MGST1: variants seen among roughly 807,000 people sequenced by gnomAD.
MGST1 encodes the protein microsomal glutathione S-transferase 1, also known as glutathione S-transferase 12.
MGST1 carries 5 observed loss-of-function variants against 8.9 expected under a neutral mutation model. The ratio of observed to expected loss-of-function variants is 0.56; its 90% CI spans 0.29 to 1.19. The LOEUF (loss-of-function observed/expected upper bound fraction) is 1.19, where lower values mean the gene tolerates loss of function less well. Ranked by LOEUF, MGST1 falls within the 50% of genes most tolerant of loss-of-function variation. The pLI is 0.08. For synonymous variants in MGST1, 54 were observed against 67.8 expected, an observed-to-expected ratio of 0.80 and a Z score of 1.00; for missense variants, 182 against 187.4, an observed-to-expected ratio of 0.97 and a Z score of 0.17.
At position 16,560,502 on chromosome 12, in the gene MGST1, A is replaced by G. The variant is rs1437080269; in HGVS notation, n.483-29026A>G. On this transcript the variant is annotated intron_variant and non_coding_transcript_variant, in intron 4 of 4. Coordinates refer to the MGST1 transcript ENST00000538857. The surrounding 1 kb of genome is among the most constrained non-coding windows in gnomAD (Gnocchi z 5.0). Reference sequence around the variant, plus strand: ...CCATCTCAAAGGCAGGGATGAGCTTACTACAGGCAGCGCAGTTTCCCGTTA... The same window carrying G: ...CCATCTCAAAGGCAGGGATGAGCTTGCTACAGGCAGCGCAGTTTCCCGTTA... 1.2e-6 allele frequency: 2 copies of G among 1,613,950 alleles called. No homozygotes were observed. The highest frequency in any genetic ancestry group is 1.7e-6 in the Non-Finnish European group (2 of 1,179,890).
At chr12:16,348,363 A>G (rs1181300526) in intron 1 of MGST1, among the ~76,000 whole-genome samples, 1 of 152,170 alleles carries the variant, frequency 6.6e-6, no homozygotes, top group African/African-American at 2.4e-5. Flanking sequence ...CCTGTGCCCC[A>G]CTTCCCCAGT....
At chr12:16,370,588 A>T (rs531276579) in intron 3 of MGST1, among the ~76,000 whole-genome samples, 28 of 152,288 alleles carry the variant, frequency 1.8e-4, no homozygotes, top group African/African-American at 6.5e-4. Flanking sequence ...TTATAACTTG[A>T]TAGTGAAAGG....
intron 4 of MGST1, among the ~76,000 whole-genome samples, chr12:16,567,127 C>T (rs548520215): frequency 7.5e-4 from 114 of 152,094 alleles, no homozygotes; most frequent in South Asian, 1.5e-3. Flanking sequence ...ACCTGCGAGG[C>T]GGAGGTTGCA....
chr12:16,357,669 G>C lies in MGST1; in HGVS notation c.191G>C (p.Arg64Pro), dbSNP rs764640311. 1.9e-6 allele frequency: 3 copies of C among 1,613,766 alleles called. No homozygotes were observed. In the African/African-American group the frequency reaches 4.0e-5, roughly 22 times the overall value. ...GGAGAAAATGCCAAGAAGTATCTTC[G>C]AACAGATGACAGAGTAGAACGTGTA... ...GKGENAKKYL[R>P]TDDRVERVRR... is the part of the protein sequence containing the mutation. Residue 64 changes from arginine (R) to proline (P), a missense_variant, in exon 3 of 4, where the codon CGA becomes CCA. Arg to Pro is a moderately radical substitution (Grantham distance 103). Coordinates refer to ENST00000396210, the MANE Select transcript of MGST1 (RefSeq NM_020300.5).
chr12:16,422,052 T>C (rs993728228), intron 1 of MGST1, among the ~76,000 whole-genome samples: 1 of 152,170 alleles, frequency 6.6e-6, no homozygotes, highest in Non-Finnish European at 1.5e-5. Context: ...GGCCCACACA[T>C]AGTCTTCATT....
At position 16,363,788 on chromosome 12, in the gene MGST1, T is replaced by C; in HGVS notation, c.222-7T>C. ...TTAGTGTCTTTAATAGTTATCTTTTTCCACAGAGCCCACCTGAATGACCTT... is the reference window on the plus strand; with the variant it reads ...TTAGTGTCTTTAATAGTTATCTTTTCCCACAGAGCCCACCTGAATGACCTT... On this transcript the variant is annotated splice_polypyrimidine_tract_variant and splice_region_variant and intron_variant, in intron 3 of 3. Coordinates refer to ENST00000396210, the MANE Select transcript of MGST1 (RefSeq NM_020300.5). This position sits in a 1 kb window ranked among gnomAD's most constrained non-coding sequence, Gnocchi z 4.6. 6.3e-7 allele frequency: 1 copy of C among 1,583,180 alleles called. No homozygotes were observed. Among genetic ancestry groups the C allele is most frequent in the Non-Finnish European group, 8.6e-7 (1 of 1,159,332 alleles).
chr12:16,459,629 T>C (rs985622886), intron 4 of MGST1, among the ~76,000 whole-genome samples: 3 of 152,066 alleles, frequency 2.0e-5, no homozygotes, highest in Non-Finnish European at 2.9e-5. Flanking sequence ...GGGTCGAGAA[T>C]GACCAAGAGG....
chr12:16,440,272 T>C (rs11056940), downstream of MGST1, among the ~76,000 whole-genome samples: 4,015 of 142,890 alleles, frequency 0.028, 189 homozygotes, highest in African/African-American at 0.098. Context: ...CACACACACA[T>C]ACACAGTAAA....
downstream of MGST1, among the ~76,000 whole-genome samples, chr12:16,366,004 C>T (rs974025413): frequency 2.1e-4 from 32 of 152,166 alleles, no homozygotes; most frequent in African/African-American, 6.8e-4. This position sits in a 1 kb window ranked among gnomAD's most constrained non-coding sequence, Gnocchi z 4.0. Flanking sequence ...ACCATTATCA[C>T]GTCTTTCATC....
downstream of MGST1, among the ~76,000 whole-genome samples, chr12:16,380,890 T>C (rs1412306132): frequency 1.3e-5 from 2 of 152,190 alleles, no homozygotes; most frequent in African/African-American, 4.8e-5. Context: ...CCCTTTACCA[T>C]TATGTAGTGG....
chr12:16,488,520 G>A (rs1217406370), intron 4 of MGST1, among the ~76,000 whole-genome samples: 1 of 152,116 alleles, frequency 6.6e-6, no homozygotes, highest in Non-Finnish European at 1.5e-5. Flanking sequence ...TCAAATGTCA[G>A]ATCAAAATCC....
intron 4 of MGST1, among the ~76,000 whole-genome samples, chr12:16,484,491 G>A (rs1370074382): frequency 6.6e-6 from 1 of 152,076 alleles, no homozygotes; most frequent in Non-Finnish European, 1.5e-5. Context: ...CTGGGTAGAT[G>A]GGTAATTTAT....
chr12:16,458,120 C>A lies in MGST1; in HGVS notation n.482+74516C>A, dbSNP rs867074647. ...AATACCCATTAAAGAAGTGCAAAAG[C>A]GTGAACCCGAGGGTTACTGCATATT... is the stretch of plus-strand genomic sequence containing the variant. On this transcript the variant is annotated intron_variant and non_coding_transcript_variant, in intron 4 of 4. Coordinates refer to the MGST1 transcript ENST00000538857. This position sits in a 1 kb window ranked among gnomAD's most constrained non-coding sequence, Gnocchi z 4.0. Among the ~76,000 whole-genome samples, 1 of 151,858 alleles carries A rather than the reference C, an allele frequency of 6.6e-6. No homozygotes were observed. Among genetic ancestry groups the A allele is most frequent in the Non-Finnish European group, 1.5e-5 (1 of 67,916 alleles).
intron 2 of MGST1, chr12:16,354,706 A>C (rs1427436043): frequency 5.8e-6 from 1 of 171,506 alleles, no homozygotes; most frequent in Non-Finnish European, 1.2e-5. Context: ...TTTAGAAAAC[A>C]ATCATTTTCT....
intron 4 of MGST1, among the ~76,000 whole-genome samples, chr12:16,570,896 A>G (rs183845024): frequency 4.5e-4 from 69 of 152,252 alleles, no homozygotes; most frequent in Non-Finnish European, 9.3e-4. Context: ...GTTAATTATT[A>G]TTACTTACTT....
Position 16,513,763 on chromosome 12 carries a change from A to G in MGST1, n.483-75765A>G. The G allele has an allele frequency of 1.7e-6, 1 of 582,426 alleles. No homozygotes were observed. The highest frequency in any genetic ancestry group is 3.4e-6 in the Non-Finnish European group (1 of 292,160). The allele number at this position is 582,426 out of a possible 1,614,324, so 36.1% of individuals were successfully genotyped here. A position where few individuals can be genotyped will look rare whatever the true frequency, so the allele number is the denominator to read the frequency against. On this transcript the variant is annotated intron_variant and non_coding_transcript_variant, in intron 4 of 4. Transcript: ENST00000538857. The surrounding 1 kb of genome is among the most constrained non-coding windows in gnomAD (Gnocchi z 4.2). Reference sequence around the variant, plus strand: ...AGTCTCGAAAAGTGGCCGGTTTGTCACTGTGCAGACCATTTCTGGAACTAG... The same window carrying G: ...AGTCTCGAAAAGTGGCCGGTTTGTCGCTGTGCAGACCATTTCTGGAACTAG...
chr12:16,395,114 T>C (rs1940593837), intron 1 of MGST1, among the ~76,000 whole-genome samples: 1 of 151,978 alleles, frequency 6.6e-6, no homozygotes. Flanking sequence ...ATACTCCTAG[T>C]TTATAACAAT....
intron 1 of MGST1, among the ~76,000 whole-genome samples, chr12:16,418,095 A>G (rs1356847015): frequency 6.6e-6 from 1 of 152,184 alleles, no homozygotes; most frequent in Non-Finnish European, 1.5e-5. Flanking sequence ...AAGGAGTCAA[A>G]GCAGGGCAAA....
At chr12:16,568,317 T>C (rs2137409466) in intron 4 of MGST1, among the ~76,000 whole-genome samples, 1 of 152,326 alleles carries the variant, frequency 6.6e-6, no homozygotes, top group African/African-American at 2.4e-5. Flanking sequence ...ATAGATTGTT[T>C]TAGACTTGAG....
Sources: gnomAD v4.1 joint callset for allele counts (sites outside exome capture counted in the v4.1 genomes callset) on GRCh38, gnomAD v4.1.1 for gene constraint, Gnocchi (gnomAD v3.1) non-coding constraint, MANE v1.5 for transcripts, NCBI Gene and HGNC (gene_info 2026-07-23, HGNC 2026-07-21) for gene names.